The following DTX4 variants were observed in gnomAD, a reference collection of about 807,000 sequenced individuals.
The protein encoded by DTX4 is E3 ubiquitin-protein ligase DTX4.
In DTX4, 28 loss-of-function variants were observed where a neutral mutation model predicts 57.6. The ratio of observed to expected loss-of-function variants is 0.49; its 90% confidence interval spans 0.36 to 0.67. The LOEUF (loss-of-function observed/expected upper bound fraction) is 0.67, where lower values mean the gene tolerates loss of function less well. Ranked by LOEUF, DTX4 falls within the 30% of genes least tolerant of loss-of-function variation. The pLI, the probability that DTX4 is intolerant of heterozygous loss-of-function variation, is 0.00. For missense variants in DTX4, 715 were observed against 836.8 expected, an observed-to-expected ratio of 0.85 and a Z score of 1.80; for synonymous variants, 316 against 331.0, an observed-to-expected ratio of 0.95 and a Z score of 0.49.
intron 5 of DTX4, among the ~76,000 whole-genome samples, chr11:59,191,381 A>C (rs1409057670): frequency 6.6e-6 from 1 of 152,314 alleles, no homozygotes; most frequent in East Asian, 1.9e-4. Context: ...CCCCTTCAGC[A>C]TAGTGCTGGT....
Position 59,172,568 on chromosome 11 carries a change from C to T in DTX4, c.-28C>T. On this transcript the variant is annotated 5_prime_UTR_variant, in exon 1 of 9. Transcript: ENST00000227451. ...GGCGCTCGGGGCCCGGGAGGCGGGC[C>T]GCGCAGCGCCGCAGCCCCGGGCTCG... 1 of 1,324,160 alleles carries T rather than the reference C, an allele frequency of 7.6e-7. No individual in the cohort carries two copies. Among genetic ancestry groups the T allele is most frequent in the Non-Finnish European group, 9.7e-7 (1 of 1,036,260 alleles). 82.0% of individuals were successfully genotyped at this position (1,324,160 alleles called of 1,614,324 possible).
chr11:59,189,345 G>A (rs1389496823), intron 4 of DTX4, 22 bp downstream of exon 4: 2 of 1,513,138 alleles, frequency 1.3e-6, no homozygotes, highest in South Asian at 1.3e-5. Flanking sequence ...TTGTCTCGTG[G>A]GGTACTGAGA....
In DTX4 at chr11:59,199,723, C is replaced by A; in HGVS notation, c.1576C>A (p.Arg526=). ...HPNPGKSFSA[R]GFPRHCYLPD... ...GAATCCTGGGAAGAGTTTCAGCGCC[C>A]GAGGCTTCCCACGACACTGTTACCT... Residue 526 remains arginine, a synonymous_variant, in exon 8 of 9, where the codon CGA becomes AGA. Transcript: ENST00000227451. 6.3e-7 allele frequency: 1 copy of A among 1,577,126 alleles called. No individual in the cohort carries two copies. Among genetic ancestry groups the A allele is most frequent in the East Asian group, 2.3e-5 (1 of 42,614 alleles).
chr11:59,194,303 A>G (rs1862635941), intron 6 of DTX4, among the ~76,000 whole-genome samples: 1 of 152,234 alleles, frequency 6.6e-6, no homozygotes, highest in Non-Finnish European at 1.5e-5. Context: ...TTATAGTATG[A>G]TTTAAAGCAC....
At chr11:59,190,679 A>G (rs530016539) in intron 4 of DTX4, among the ~76,000 whole-genome samples, 4 of 152,240 alleles carry the variant, frequency 2.6e-5, no homozygotes, top group Non-Finnish European at 4.4e-5. Context: ...CTTGTTTCCC[A>G]TAAAAATAAT....
chr11:59,195,023 T>C, intron 6 of DTX4, 185 bp from the exon 7 acceptor site: 1 of 648,248 alleles, frequency 1.5e-6, no homozygotes, highest in Non-Finnish European at 2.7e-6. Context: ...ATTTACCTCC[T>C]ATTACTTTGG....
Position 59,207,057 on chromosome 11 carries a change from A to T in DTX4, c.*2148A>T, listed in dbSNP as rs1381408080. On this transcript the variant is annotated 3_prime_UTR_variant, in exon 9 of 9. Transcript: ENST00000227451. ...TACCATGTACAGAGATTACTTGGAG[A>T]GCCTCATGCCGTCTCTACCTTCGCA... is the stretch of plus-strand genomic sequence containing the variant. The T allele has an allele frequency of 2.6e-5, 4 of 152,182 alleles. No individual in the cohort carries two copies. The highest frequency in any genetic ancestry group is 9.7e-5 in the African/African-American group (4 of 41,414). The allele number at this position is 152,182 out of a possible 1,614,324, so 9.4% of individuals were successfully genotyped here.
rs750143131 is a variant in DTX4 at position 59,172,613 on chromosome 11, C to T, written c.18C>T (p.Ala6=). 1.9e-6 allele frequency: 3 copies of T among 1,561,494 alleles called. No individual in the cohort carries two copies. Among genetic ancestry groups the T allele is most frequent in the East Asian group, 4.9e-5 (2 of 40,428 alleles). Residue 6 remains alanine, a synonymous_variant, in exon 1 of 9, where the codon GCC becomes GCT. Transcript: ENST00000227451. ...GGCTCGCCATGCTCCTGGCCTCGGC[C>T]GTGGTGGTCTGGGAATGGCTGAACG... MLLAS[A]VVVWEWLNEH...
At chr11:59,191,292 C>A in intron 5 of DTX4, 117 bp downstream of exon 5, 2 of 929,558 alleles carry the variant, frequency 2.2e-6, no homozygotes, top group Non-Finnish European at 3.2e-6. Context: ...CTCATGGATA[C>A]AGAACTGGTC....
rs1041423449 is a variant in DTX4, at chr11:59,175,628, A to G, written c.211+2822A>G. Among the ~76,000 whole-genome samples the G allele has an allele frequency of 4.6e-5, 7 of 152,292 alleles. No homozygotes were observed. In the East Asian group the frequency reaches 1.4e-3, roughly 29 times the overall value. Reference sequence around the variant, plus strand: ...ATGGGACTGGCTCTTGGCCACTTCCAAAAGCCTCGGTGGGCCCCTCTCCAC... The same window carrying G: ...ATGGGACTGGCTCTTGGCCACTTCCGAAAGCCTCGGTGGGCCCCTCTCCAC... On this transcript the variant is annotated intron_variant, in intron 1 of 8. Coordinates refer to ENST00000227451, the MANE Select transcript of DTX4 (RefSeq NM_015177.2).
chr11:59,191,064 T>C (rs1361369243), intron 4 of DTX4, 50 bp from the exon 5 acceptor site: 3 of 1,534,636 alleles, frequency 2.0e-6, no homozygotes, highest in Non-Finnish European at 2.7e-6. Context: ...CAAGGCTGTT[T>C]GATCTCTTAC....
At chr11:59,194,332 TCTCTCTTCTAGGTATTTGTGCAGACCTTA>T (rs2135522951) in intron 6 of DTX4, among the ~76,000 whole-genome samples, 1 of 152,294 alleles carries the variant, frequency 6.6e-6, no homozygotes, top group East Asian at 1.9e-4. Context: ...CTGGCATCAT[TCTCTCTTCTAGGTATTTGTGCAGACCTTA>T]CACTCTATCC....
At chr11:59,175,335 A>C (rs952925275) in intron 1 of DTX4, among the ~76,000 whole-genome samples, 3 of 152,124 alleles carry the variant, frequency 2.0e-5, no homozygotes, top group African/African-American at 7.2e-5. Flanking sequence ...TCCTGACATG[A>C]GAGCTTTGTC....
chr11:59,192,322 T>A (rs1230667710), intron 6 of DTX4, 72 bp downstream of exon 6: 1 of 1,562,638 alleles, frequency 6.4e-7, no homozygotes, highest in African/African-American at 1.4e-5. Context: ...GTGAAGGCCC[T>A]TTAGGGCCCT....
chr11:59,191,319 G>A, intron 5 of DTX4, 144 bp downstream of exon 5: 2 of 778,792 alleles, frequency 2.6e-6, no homozygotes, highest in Non-Finnish European at 2.0e-6. Context: ...GACACTGAGG[G>A]TTCAAGGTCC....
chr11:59,188,074 A>T (rs1862549221), intron 2 of DTX4, among the ~76,000 whole-genome samples: 1 of 152,198 alleles, frequency 6.6e-6, no homozygotes, highest in Admixed American at 6.5e-5. Context: ...CCCTGGTTTG[A>T]ACTTGCTTCT....
chr11:59,197,411 G>A (rs550262689), intron 7 of DTX4, among the ~76,000 whole-genome samples: 34 of 152,220 alleles, frequency 2.2e-4, no homozygotes, highest in Non-Finnish European at 4.1e-4. Context: ...CTCAAGACTC[G>A]CAAGGAAGTA....
intron 5 of DTX4, 90 bp from the exon 6 acceptor site, chr11:59,192,008 A>G: frequency 7.0e-7 from 1 of 1,432,002 alleles, no homozygotes; most frequent in Non-Finnish European, 9.5e-7. Flanking sequence ...GAGAAGTGGT[A>G]AGAGCTCATC....
chr11:59,194,893 A>G (rs1182432205), intron 6 of DTX4: 2 of 368,538 alleles, frequency 5.4e-6, no homozygotes, highest in Non-Finnish European at 1.0e-5. Context: ...CCCATTTGGT[A>G]CTGAGTGGCT....
Sources: allele counts gnomAD v4.1 joint callset (sites outside exome capture counted in the v4.1 genomes callset), GRCh38; gene constraint gnomAD v4.1.1; transcripts MANE v1.5; gene names NCBI Gene and HGNC (gene_info 2026-07-23, HGNC 2026-07-21).